NLRP2: variants seen among roughly 807,000 people sequenced by gnomAD.
NLRP2 encodes the protein NLR family pyrin domain containing 2.
In NLRP2, 107 loss-of-function variants were observed where a neutral mutation model predicts 97.2. The observed-to-expected ratio is 1.10, with a 90% CI of 0.94 to 1.29. The LOEUF is 1.29. NLRP2 is among the 50% of genes most tolerant of loss of function. NLRP2 has a pLI of 0.00. For synonymous variants in NLRP2, 663 were observed against 551.5 expected (o/e 1.20, Z -2.83); for missense variants, 1,495 against 1,330.3 (o/e 1.12, Z -1.93).
At chr19:54,997,185 G>GTGAACCACCGTGCCCGGCC (rs1228649288) in intron 11 of NLRP2, 132 bp from the exon 12 acceptor site, 3 of 915,200 alleles carry the variant, frequency 3.3e-6, no homozygotes, top group Non-Finnish European at 5.4e-6. Flanking sequence ...GATTACAGGC[G>GTGAACCACCGTGCCCGGCC]TGAACCACCG....
rs200366059 is a variant in NLRP2, at chr19:54,984,329, G to GTTTTTTTTTTT, written c.2030+614_2030+624dup. Among the ~76,000 whole-genome samples, 247 of 79,654 alleles carry GTTTTTTTTTTT rather than the reference G, an allele frequency of 3.1e-3. 16 individuals are homozygous for GTTTTTTTTTTT. Among genetic ancestry groups the GTTTTTTTTTTT allele is most frequent in the African/African-American group, 9.2e-3 (200 of 21,630 alleles). The allele number at this position is 79,654 out of a possible 152,430, so 52.3% of individuals were successfully genotyped here. A position where few individuals can be genotyped will look rare whatever the true frequency, so the allele number is the denominator to read the frequency against. ...AACTTAAGTGGGGGTTTTTTTTTGT[G>GTTTTTTTTTTT]TTTTTTTTTTTTTTTTTTTTTTTGG... On this transcript the variant is annotated intron_variant, in intron 6 of 12. Coordinates refer to ENST00000448584, the MANE Select transcript of NLRP2 (RefSeq NM_017852.5).
At chr19:54,984,531 G>A (rs994818594) in intron 6 of NLRP2, among the ~76,000 whole-genome samples, 8 of 99,790 alleles carry the variant, frequency 8.0e-5, no homozygotes, top group African/African-American at 1.3e-4. Flanking sequence ...TTCCCAGGTC[G>A]GAGTGAAGTG....
At chr19:54,997,166 A>T (rs895579315) in intron 11 of NLRP2, 151 bp from the exon 12 acceptor site, 7 of 793,300 alleles carry the variant, frequency 8.8e-6, no homozygotes, top group Admixed American at 7.6e-5. Context: ...CGGCCTCCCA[A>T]AGTGCTGGGA....
upstream of NLRP2, chr19:54,965,520 A>G (rs2070332143): frequency 1.0e-5 from 1 of 97,318 alleles, no homozygotes; most frequent in Non-Finnish European, 2.2e-5. Flanking sequence ...CAGTGGCGCG[A>G]TCTCTGCTCA....
intron 1 of NLRP2, among the ~76,000 whole-genome samples, chr19:54,967,206 G>C (rs372763313): frequency 2.0e-3 from 306 of 152,234 alleles, no homozygotes; most frequent in Middle Eastern, 0.01. Flanking sequence ...GGTTCTGCCT[G>C]TCTCAGTGGC....
chr19:54,986,517 G>C (rs1307938591), intron 8 of NLRP2: 8 of 608,282 alleles, frequency 1.3e-5, no homozygotes, highest in African/African-American at 3.7e-5. Flanking sequence ...CCATACGTGA[G>C]GACCCTGAAT....
chr19:54,993,413 G>GT (rs2072616883), intron 10 of NLRP2: 2 of 152,154 alleles, frequency 1.3e-5, no homozygotes, highest in South Asian at 4.2e-4. Flanking sequence ...TTATAATTAA[G>GT]TTTAGAACTC....
intron 4 of NLRP2, among the ~76,000 whole-genome samples, chr19:54,980,540 A>G (rs764445308): frequency 1.3e-5 from 2 of 152,290 alleles, no homozygotes; most frequent in Non-Finnish European, 2.9e-5. Flanking sequence ...AGGAAGGCAG[A>G]TTTATTGGAG....
chr19:54,991,725 T>C (rs1037488469), intron 10 of NLRP2, among the ~76,000 whole-genome samples: 6 of 150,756 alleles, frequency 4.0e-5, no homozygotes, highest in Non-Finnish European at 8.9e-5. Context: ...AAAAATTAGC[T>C]AGGCGTGGTG....
At chr19:54,973,792 C>A (rs76618032) in intron 2 of NLRP2, 37,269 of 577,704 alleles carry the variant, frequency 0.065, 1,609 homozygotes, top group Middle Eastern at 0.097. Flanking sequence ...AATTTTCTTT[C>A]CATGCCAATA....
At chr19:54,981,848 G>A (rs752542670) in intron 5 of NLRP2, among the ~76,000 whole-genome samples, 166 bp downstream of exon 5, 1 of 151,838 alleles carries the variant, frequency 6.6e-6, no homozygotes, top group East Asian at 1.9e-4. Context: ...GCGTGATCTC[G>A]ACTCACTGCA....
chr19:54,990,818 A>C (rs2072426245), intron 10 of NLRP2, 146 bp downstream of exon 10: 1 of 788,730 alleles, frequency 1.3e-6, no homozygotes, highest in African/African-American at 1.7e-5. Flanking sequence ...ACCTGGGTAG[A>C]TGATGGTAGG....
chr19:54,990,330 G>C (rs1181721405), intron 9 of NLRP2, 138 bp downstream of exon 9: 1 of 1,147,380 alleles, frequency 8.7e-7, no homozygotes, highest in Non-Finnish European at 1.3e-6. Flanking sequence ...CAGGCCGATG[G>C]CCTGTGAATT....
rs1033603859 is a variant in NLRP2, at chr19:55,001,020, G to C, written c.*122G>C. On this transcript the variant is annotated 3_prime_UTR_variant, in exon 13 of 13. Coordinates refer to ENST00000448584, the MANE Select transcript of NLRP2 (RefSeq NM_017852.5). ...GGATAATGAGTTCATTGCTGGGCTA[G>C]ATGTTTTAGCCATGATTCTGCCTCT... is the stretch of plus-strand genomic sequence containing the variant. The C allele has an allele frequency of 8.1e-6, 7 of 860,402 alleles. No homozygotes were observed. Among genetic ancestry groups the C allele is most frequent in the South Asian group, 4.2e-5 (3 of 71,520 alleles). 53.3% of individuals were successfully genotyped at this position (860,402 alleles called of 1,614,324 possible). A position where few individuals can be genotyped will look rare whatever the true frequency, so the allele number is the denominator to read the frequency against.
chr19:54,966,825 C>CTTTTTTT (rs1044701142), intron 1 of NLRP2, among the ~76,000 whole-genome samples: 5 of 74,988 alleles, frequency 6.7e-5, no homozygotes, highest in Admixed American at 1.6e-4. Context: ...CGCGCCCAGC[C>CTTTTTTT]TTTTTTTTTT....
Position 54,966,413 on chromosome 19 carries a change from C to T in NLRP2, c.-72C>T, listed in dbSNP as rs939298370. The T allele has an allele frequency of 2.0e-5, 3 of 152,124 alleles. No homozygotes were observed. Among genetic ancestry groups the T allele is most frequent in the African/African-American group, 7.2e-5 (3 of 41,438 alleles). 9.4% of individuals were successfully genotyped at this position (152,124 alleles called of 1,614,324 possible). ...GGCCGAGAGAGAAGCCTTATTAGAG[C>T]TTTCTCAACCTGCAGCCCTCATCTC... On this transcript the variant is annotated 5_prime_UTR_variant, in exon 1 of 13. Transcript: ENST00000448584.
At chr19:54,995,187 C>CTTTTTTTTTTTTT (rs34168825) in intron 11 of NLRP2, among the ~76,000 whole-genome samples, 1 of 87,224 alleles carries the variant, frequency 1.1e-5, no homozygotes, top group South Asian at 4.8e-4. Flanking sequence ...GTGGGTGCCT[C>CTTTTTTTTTTTTT]TTTTTTTTTT....
intron 12 of NLRP2, 41 bp downstream of exon 12, chr19:54,997,528 G>A: frequency 6.2e-7 from 1 of 1,603,896 alleles, no homozygotes; most frequent in Non-Finnish European, 8.5e-7. Context: ...TCTCCAGAGT[G>A]GTAGGTTTAG....
In NLRP2 at chr19:54,983,584, C is replaced by T. The variant is rs866985418; in HGVS notation, c.1886C>T (p.Ser629Phe). Residue 629 changes from serine (S) to phenylalanine (F), a missense_variant, in exon 6 of 13, where the codon TCC becomes TTC. By Grantham distance (155) the Ser-to-Phe change is radical (BLOSUM62 -2). Transcript: ENST00000448584. ...KEVMAQFKEISLHLNAVDVVP... is the reference protein window; with the variant it reads ...KEVMAQFKEIFLHLNAVDVVP... ...GTGATGGCTCAGTTCAAAGAAATAT[C>T]CCTGCACTTAAATGCAGTAGACGTT... is the stretch of plus-strand genomic sequence containing the variant. 3.1e-6 allele frequency: 5 copies of T among 1,614,146 alleles called. No homozygotes were observed. Among genetic ancestry groups the T allele is most frequent in the Non-Finnish European group, 4.2e-6 (5 of 1,180,010 alleles).
Sources: allele counts gnomAD v4.1 joint callset (sites outside exome capture counted in the v4.1 genomes callset), GRCh38; gene constraint gnomAD v4.1.1; transcripts MANE v1.5; gene names NCBI Gene and HGNC (gene_info 2026-07-23, HGNC 2026-07-21).